The following TRIM37 variants were observed in gnomAD, a reference collection of about 807,000 sequenced individuals.
The protein encoded by TRIM37 is tripartite motif containing 37.
TRIM37 carries 80 observed loss-of-function variants against 129.8 expected under a neutral mutation model. That is an observed-to-expected ratio of 0.62 (90% confidence interval 0.51 to 0.74). The LOEUF (loss-of-function observed/expected upper bound fraction) is 0.74, where lower values mean the gene tolerates loss of function less well. Among genes scored for constraint, TRIM37 ranks in the 30% least tolerant of loss-of-function variants. TRIM37 has a pLI of 0.00. For missense variants in TRIM37, 1,054 were observed against 1,176.5 expected (o/e 0.90, Z 1.52); for synonymous variants, 389 against 387.1 (o/e 1.00, Z -0.06).
chr17:59,047,756 C>G lies in TRIM37; in HGVS notation c.1594G>C (p.Asp532His), dbSNP rs1229223424. 4 of 1,613,962 alleles carry G rather than the reference C, an allele frequency of 2.5e-6. No homozygotes were observed. Among genetic ancestry groups the G allele is most frequent in the Non-Finnish European group, 3.4e-6 (4 of 1,180,016 alleles). Residue 532 changes from aspartate (D) to histidine (H), a missense_variant, in exon 16 of 24, where the codon GAT becomes CAT. Coordinates refer to ENST00000262294, the MANE Select transcript of TRIM37 (RefSeq NM_015294.6). ...LVYEDEVNQLDGSSSSASSTA... is the reference protein window; with the variant it reads ...LVYEDEVNQLHGSSSSASSTA... ...GAACTAGCAGAGGAACTGCTGCCATCGAGCTGATTTACTTCATCCTCATAA... is the reference window on the plus strand; with the variant it reads ...GAACTAGCAGAGGAACTGCTGCCATGGAGCTGATTTACTTCATCCTCATAA...
At chr17:59,029,582 A>T (rs896923760) in intron 18 of TRIM37, among the ~76,000 whole-genome samples, 2 of 152,132 alleles carry the variant, frequency 1.3e-5, no homozygotes, top group Non-Finnish European at 2.9e-5. Flanking sequence ...TTAAATAAAT[A>T]CACAGAAAAA....
At chr17:59,037,070 G>A (rs937916004) in intron 17 of TRIM37, among the ~76,000 whole-genome samples, 12 of 151,534 alleles carry the variant, frequency 7.9e-5, no homozygotes, top group African/African-American at 2.4e-4. Context: ...AGCCGAGATC[G>A]TGCCATTGCA....
At position 58,987,646 on chromosome 17, in the gene TRIM37, G is replaced by C. The variant is rs188568280; in HGVS notation, c.2892-4725C>G. ...CATGTATTGGTAGATGTGAGAATGAGAGGTAGAATGAGGAGAAATCTAAAA... is the reference window on the plus strand; with the variant it reads ...CATGTATTGGTAGATGTGAGAATGACAGGTAGAATGAGGAGAAATCTAAAA... On this transcript the variant is annotated intron_variant, in intron 24 of 24. Coordinates refer to the TRIM37 transcript ENST00000393066. Among the ~76,000 whole-genome samples the C allele has an allele frequency of 3.7e-3, 568 of 152,314 alleles. 3 individuals carry two copies. Among genetic ancestry groups the C allele is most frequent in the Non-Finnish European group, 5.6e-3 (383 of 68,024 alleles).
At chr17:59,104,446 A>G (rs888665133) in intron 1 of TRIM37, 52 bp from the exon 2 acceptor site, 1 of 1,506,226 alleles carries the variant, frequency 6.6e-7, no homozygotes, top group Admixed American at 1.7e-5. Flanking sequence ...CTGAATCAAG[A>G]GTAAAAGGCA....
chr17:59,102,896 C>T (rs572065031), intron 2 of TRIM37, among the ~76,000 whole-genome samples: 72 of 151,160 alleles, frequency 4.8e-4, no homozygotes, highest in Non-Finnish European at 8.7e-4. Flanking sequence ...TTTTTTGAGA[C>T]GAAGTCTCGC....
chr17:58,993,433 T>C (rs960711076), downstream of TRIM37, among the ~76,000 whole-genome samples: 2 of 152,160 alleles, frequency 1.3e-5, no homozygotes, highest in African/African-American at 4.8e-5. Context: ...CAGTGGTATA[T>C]CCACACAGTG....
chr17:59,075,574 A>C, intron 8 of TRIM37, 73 bp downstream of exon 8: 1 of 1,005,346 alleles, frequency 9.9e-7, no homozygotes, highest in South Asian at 1.5e-5. Flanking sequence ...AAAAAAAAAA[A>C]AAAAAAAAAA....
intron 12 of TRIM37, 146 bp downstream of exon 12, chr17:59,060,886 A>G (rs914723028): frequency 9.7e-6 from 6 of 617,936 alleles, no homozygotes; most frequent in Non-Finnish European, 1.4e-5. Context: ...TTAGAAAAAT[A>G]CCATCCTATG....
At chr17:59,075,263 G>A (rs150189303) in intron 8 of TRIM37, among the ~76,000 whole-genome samples, 7 of 151,680 alleles carry the variant, frequency 4.6e-5, no homozygotes, top group Admixed American at 1.3e-4. Context: ...AAAAAAAAAC[G>A]TTTATAATAT....
In TRIM37 at chr17:59,017,428, C is replaced by A; in HGVS notation, c.2258-4G>T. 1 of 1,613,792 alleles carries A rather than the reference C, an allele frequency of 6.2e-7. No homozygotes were observed. The highest frequency in any genetic ancestry group is 8.5e-7 in the Non-Finnish European group (1 of 1,179,814). On this transcript the variant is annotated splice_region_variant and splice_polypyrimidine_tract_variant and intron_variant, in intron 19 of 23. Coordinates refer to ENST00000262294, the MANE Select transcript of TRIM37 (RefSeq NM_015294.6). ...GAATTACTCTTCTTATTTGTGGCTG[C>A]AAAGACATTTAAGAACACCTCTGAA...
chr17:59,054,283 C>T (rs2040620074), intron 13 of TRIM37, among the ~76,000 whole-genome samples: 1 of 152,014 alleles, frequency 6.6e-6, no homozygotes, highest in African/African-American at 2.4e-5. Context: ...TGTAATGATA[C>T]CCAAAAACCT....
At chr17:59,100,563 CT>C (rs1183631490) in intron 2 of TRIM37, among the ~76,000 whole-genome samples, 6 of 152,156 alleles carry the variant, frequency 3.9e-5, no homozygotes, top group African/African-American at 1.4e-4. Flanking sequence ...CCCCTTATCT[CT>C]GAAGCAAACT....
rs990079698 is a variant in TRIM37, at chr17:59,011,241, A to G, written c.2695+1087T>C. ...CATTCTATAAAGATCTTCAATCATA[A>G]TATTTCTTTCTTGATGTTTTAACAA... On this transcript the variant is annotated intron_variant, in intron 22 of 23. Coordinates refer to ENST00000262294, the MANE Select transcript of TRIM37 (RefSeq NM_015294.6). Among the ~76,000 whole-genome samples, 16 of 152,268 alleles carry G rather than the reference A, an allele frequency of 1.1e-4. No homozygotes were observed. In the South Asian group the frequency reaches 1.7e-3, roughly 16 times the overall value.
At chr17:59,041,947 TTG>T (rs754730604) in intron 16 of TRIM37, 49 bp from the exon 17 acceptor site, 20 of 1,418,732 alleles carry the variant, frequency 1.4e-5, no homozygotes, top group Non-Finnish European at 2.0e-5. Flanking sequence ...ACAATAAACG[TTG>T]TTTTTCACAC....
intron 19 of TRIM37, among the ~76,000 whole-genome samples, chr17:59,019,494 G>A (rs1448127457): frequency 6.6e-6 from 1 of 152,146 alleles, no homozygotes. Context: ...TGGCGCATGA[G>A]GTCAAGAGAT....
At chr17:59,075,780 C>A in intron 7 of TRIM37, 66 bp from the exon 8 acceptor site, 1 of 1,202,076 alleles carries the variant, frequency 8.3e-7, no homozygotes, top group Non-Finnish European at 1.2e-6. Context: ...AATTAACTTC[C>A]AATGAACATA....
Position 59,104,302 on chromosome 17 carries a change from G to C in TRIM37, c.114C>G (p.Ser38Arg). The C allele has an allele frequency of 1.2e-6, 2 of 1,613,934 alleles. No homozygotes were observed. The highest frequency in any genetic ancestry group is 1.7e-6 in the Non-Finnish European group (2 of 1,179,824). ...CPHCSKLCCF[S>R]CIRRWLTEQR... ...AAGAAATACAACTTACCCTAATACA[G>C]CTGAAACAACACAGTTTGGAGCAAT... The change falls in exon 2 of 24, where the codon AGC (serine) becomes AGG (arginine). Residue 38 changes from serine to arginine, a missense_variant. By Grantham distance (110) the Ser-to-Arg change is moderately radical (BLOSUM62 -1). Transcript: ENST00000262294.
At chr17:58,972,226 G>A in the TRIM37 span, 1 of 1,614,164 alleles carries the variant, frequency 6.2e-7, no homozygotes, top group South Asian at 1.1e-5. Context: ...ATGCTTGTGA[G>A]AAAGGGCCAA....
chr17:59,092,633 TTA>T (rs1377026473), intron 2 of TRIM37, among the ~76,000 whole-genome samples: 1 of 152,092 alleles, frequency 6.6e-6, no homozygotes, highest in African/African-American at 2.4e-5. Flanking sequence ...AAAAAAAACT[TTA>T]TGTTTTAATT....
Sources: gnomAD v4.1 joint callset for allele counts (sites outside exome capture counted in the v4.1 genomes callset) on GRCh38, gnomAD v4.1.1 for gene constraint, MANE v1.5 for transcripts, NCBI Gene and HGNC (gene_info 2026-07-23, HGNC 2026-07-21) for gene names.